The following MARCHF1 variants were observed in gnomAD, a reference collection of about 807,000 sequenced individuals.
The protein encoded by MARCHF1 is membrane associated ring-CH-type finger 1.
A neutral mutation model predicts 54.2 loss-of-function variants in MARCHF1; 40 were observed. That is an observed-to-expected ratio of 0.74 (90% CI 0.57 to 0.96). MARCHF1 has a LOEUF of 0.96. MARCHF1 is among the 40% of genes least tolerant of loss of function. The pLI, the probability that MARCHF1 is intolerant of heterozygous loss-of-function variation, is 0.00. For synonymous variants in MARCHF1, 236 were observed against 236.3 expected, an observed-to-expected ratio of 1.00 and a Z score of 0.01; for missense variants, 586 against 656.5, an observed-to-expected ratio of 0.89 and a Z score of 1.17.
At chr4:164,273,356 G>GC (rs1217150575) in intron 1 of MARCHF1, among the ~76,000 whole-genome samples, 3 of 152,102 alleles carry the variant, frequency 2.0e-5, no homozygotes, top group African/African-American at 4.8e-5. Flanking sequence ...GGGGGAAACT[G>GC]CCCCCATGAT....
At position 163,854,099 on chromosome 4, in the gene MARCHF1, G is replaced by T. The variant is rs1456325913; in HGVS notation, c.33C>A (p.Asn11Lys). Residue 11 changes from asparagine (N) to lysine (K), a missense_variant, in exon 4 of 10, where the codon AAC becomes AAA. Around this residue, in one of 3 missense-constraint regions of MARCHF1, gnomAD observed 387 missense variants for 394.6 expected, o/e 0.98. Coordinates refer to ENST00000514618, the MANE Select transcript of MARCHF1 (RefSeq NM_001394959.1). MLGWCEAIAR[N>K]PHRIPNNTRT... is the part of the protein sequence containing the mutation. ...GCGTGTTGTTTGGAATTCTGTGAGGGTTACGGGCTATCGCTTCACACCAGC... is the reference window on the plus strand; with the variant it reads ...GCGTGTTGTTTGGAATTCTGTGAGGTTTACGGGCTATCGCTTCACACCAGC... The T allele has an allele frequency of 2.6e-6, 4 of 1,536,386 alleles. No individual in the cohort carries two copies. The highest frequency in any genetic ancestry group is 2.6e-6 in the Non-Finnish European group (3 of 1,146,464).
At chr4:163,613,287 G>A in intron 6 of MARCHF1, 27 bp downstream of exon 6, 1 of 1,583,170 alleles carries the variant, frequency 6.3e-7, no homozygotes, top group Non-Finnish European at 8.6e-7. Context: ...AAAGAATATA[G>A]ATTAAGATAA....
chr4:163,881,543 C>G (rs1295336707), intron 3 of MARCHF1, among the ~76,000 whole-genome samples: 1 of 152,026 alleles, frequency 6.6e-6, no homozygotes, highest in Non-Finnish European at 1.5e-5. Context: ...TTGCCATGCA[C>G]TGGAGGAGAA....
intron 3 of MARCHF1, among the ~76,000 whole-genome samples, chr4:163,895,045 TATATGCATGTGATGCATAA>T (rs964949497): frequency 8.6e-5 from 13 of 151,924 alleles, no homozygotes; most frequent in African/African-American, 2.4e-4. Context: ...CACATATACA[TATATGCATGTGATGCATAA>T]ATATGCATGT....
At chr4:164,283,204 T>C (rs1734069073) in intron 1 of MARCHF1, among the ~76,000 whole-genome samples, 1 of 151,154 alleles carries the variant, frequency 6.6e-6, no homozygotes, top group South Asian at 2.1e-4. Context: ...TAACCTCGCT[T>C]AGTGATTTCC....
At chr4:164,212,511 G>A (rs1731804944) in intron 1 of MARCHF1, among the ~76,000 whole-genome samples, 1 of 152,058 alleles carries the variant, frequency 6.6e-6, no homozygotes, top group African/African-American at 2.4e-5. Flanking sequence ...TTTTTTCATG[G>A]GTTTGGGAGT....
intron 3 of MARCHF1, among the ~76,000 whole-genome samples, chr4:163,875,878 T>C (rs1750276488): frequency 6.6e-6 from 1 of 152,044 alleles, no homozygotes; most frequent in South Asian, 2.1e-4. Flanking sequence ...TAGCAAACCT[T>C]GGAAGGCTGA....
intron 9 of MARCHF1, among the ~76,000 whole-genome samples, chr4:163,545,175 AAC>A (rs1276704801): frequency 2.6e-5 from 4 of 152,236 alleles, no homozygotes; most frequent in Middle Eastern, 3.2e-3. Context: ...AAAGAGCTAT[AAC>A]ACATTCTCTA....
At chr4:163,871,448 T>C (rs951738053) in intron 3 of MARCHF1, among the ~76,000 whole-genome samples, 1 of 152,166 alleles carries the variant, frequency 6.6e-6, no homozygotes, top group Admixed American at 6.5e-5. Flanking sequence ...ATCAAAACTC[T>C]ACTTACTAAG....
chr4:163,596,206 C>T (rs917310041), intron 7 of MARCHF1, among the ~76,000 whole-genome samples: 2 of 152,024 alleles, frequency 1.3e-5, no homozygotes, highest in Admixed American at 6.6e-5. Flanking sequence ...ACCAAGCTGA[C>T]TTTAAGCTTT....
chr4:163,827,947 G>A (rs1748898892), intron 4 of MARCHF1, among the ~76,000 whole-genome samples: 1 of 151,368 alleles, frequency 6.6e-6, no homozygotes, highest in Admixed American at 6.6e-5. Flanking sequence ...TGTTATGCAC[G>A]CTGATTCAGT....
chr4:163,690,227 C>G lies in MARCHF1; in HGVS notation c.162+10586G>C, dbSNP rs556997450. Among the ~76,000 whole-genome samples the G allele has an allele frequency of 1.5e-3, 231 of 152,312 alleles. 2 individuals carry two copies. Among genetic ancestry groups the G allele is most frequent in the South Asian group, 0.012 (59 of 4,824 alleles). On this transcript the variant is annotated intron_variant, in intron 5 of 9. Transcript: ENST00000514618. ...CAACCCCACAAATGTAGTTTTTCAACAAAAATATTTTCAATTAAAATTGCT... is the reference window on the plus strand; with the variant it reads ...CAACCCCACAAATGTAGTTTTTCAAGAAAAATATTTTCAATTAAAATTGCT...
At chr4:164,338,680 A>G (rs1729828429) in intron 1 of MARCHF1, among the ~76,000 whole-genome samples, 1 of 152,194 alleles carries the variant, frequency 6.6e-6, no homozygotes, top group Non-Finnish European at 1.5e-5. Context: ...AAGGATAAAG[A>G]AGTAAATTCA....
At chr4:163,841,187 T>A (rs1178315921) in intron 4 of MARCHF1, among the ~76,000 whole-genome samples, 8 of 152,104 alleles carry the variant, frequency 5.3e-5, no homozygotes. Flanking sequence ...TATGCTACTA[T>A]CATGGTGGAA....
rs537708742 is a variant in MARCHF1 at position 164,047,644 on chromosome 4, G to A, written c.-247-58935C>T. On this transcript the variant is annotated intron_variant, in intron 2 of 9. Transcript: ENST00000514618. ...TTTTTTGTTTTCTAAACATACATAC[G>A]TTCTTTCACCACTATAAGTTTTGTC... Among the ~76,000 whole-genome samples the A allele has an allele frequency of 8.5e-5, 13 of 152,050 alleles. No individual in the cohort carries two copies. The South Asian group carries it at 1.7e-3, about 19-fold the overall frequency.
chr4:163,549,316 G>A (rs1302893316), intron 8 of MARCHF1, among the ~76,000 whole-genome samples: 2 of 151,940 alleles, frequency 1.3e-5, no homozygotes, highest in African/African-American at 2.4e-5. Context: ...GGCCTGAGTC[G>A]AATATTTTAT....
intron 8 of MARCHF1, among the ~76,000 whole-genome samples, chr4:163,573,540 C>T (rs1271972616): frequency 6.8e-6 from 1 of 146,664 alleles, no homozygotes; most frequent in Non-Finnish European, 1.5e-5. Flanking sequence ...TCAGTTCCCA[C>T]CTATGAGTGA....
intron 2 of MARCHF1, among the ~76,000 whole-genome samples, chr4:164,013,856 C>T (rs991706730): frequency 6.6e-6 from 1 of 152,120 alleles, no homozygotes; most frequent in East Asian, 1.9e-4. Context: ...CAACACCAGA[C>T]TTGCCTTAAA....
chr4:163,904,388 A>C (rs762788814), intron 3 of MARCHF1, among the ~76,000 whole-genome samples: 15 of 152,180 alleles, frequency 9.9e-5, no homozygotes, highest in Non-Finnish European at 2.1e-4. Context: ...GGGCAGGGTT[A>C]GTTTTTAAAG....
Sources: allele counts gnomAD v4.1 joint callset (sites outside exome capture counted in the v4.1 genomes callset), GRCh38; gene constraint gnomAD v4.1.1; regional missense constraint gnomAD v4.1.1; transcripts MANE v1.5; gene names NCBI Gene and HGNC (gene_info 2026-07-23, HGNC 2026-07-21).